Variants in STXBP5 observed in about 807,000 individuals in gnomAD.
The protein encoded by STXBP5 is syntaxin-binding protein 5.
STXBP5 carries 50 observed loss-of-function variants against 152.4 expected under a neutral mutation model. The observed-to-expected ratio is 0.33, with a 90% CI of 0.26 to 0.42. STXBP5 has a LOEUF of 0.42. STXBP5 is among the 10% of genes least tolerant of loss of function. STXBP5 has a pLI of 1.00. For synonymous variants in STXBP5, 492 were observed against 494.7 expected, an observed-to-expected ratio of 0.99 and a Z score of 0.07; for missense variants, 1,167 against 1,388.6, an observed-to-expected ratio of 0.84 and a Z score of 2.54.
At chr6:147,341,358 C>T (rs903033062) in intron 21 of STXBP5, among the ~76,000 whole-genome samples, 2 of 152,168 alleles carry the variant, frequency 1.3e-5, no homozygotes, top group African/African-American at 2.4e-5. Context: ...GTGCATGAAG[C>T]TGTGGTGTCA....
chr6:147,264,627 T>C (rs1242015526), intron 6 of STXBP5, among the ~76,000 whole-genome samples: 2 of 152,124 alleles, frequency 1.3e-5, no homozygotes, highest in African/African-American at 4.8e-5. Flanking sequence ...TACACACTAA[T>C]GCTTTTTCAA....
At chr6:147,243,972 C>T (rs1265197916) in intron 4 of STXBP5, among the ~76,000 whole-genome samples, 1 of 151,948 alleles carries the variant, frequency 6.6e-6, no homozygotes, top group Non-Finnish European at 1.5e-5. Flanking sequence ...ATCTATTTGT[C>T]TGTTATTTTT....
At chr6:147,383,291 T>A (rs1284046594) in intron 27 of STXBP5, among the ~76,000 whole-genome samples, 1 of 152,124 alleles carries the variant, frequency 6.6e-6, no homozygotes, top group African/African-American at 2.4e-5. Flanking sequence ...GCGATACCAA[T>A]GTTAATTTTT....
chr6:147,385,770 C>G lies in STXBP5; in HGVS notation c.*1015C>G, dbSNP rs1230237139. ...ATTATTTCAGTAAAATGCTCAGCTC[C>G]CTTTTCAAAATGCCCTTTATTTGCT... is the stretch of plus-strand genomic sequence containing the variant. On this transcript the variant is annotated 3_prime_UTR_variant, in exon 28 of 28. Transcript: ENST00000321680. The G allele has an allele frequency of 6.6e-6, 1 of 152,042 alleles. No homozygotes were observed. The highest frequency in any genetic ancestry group is 1.5e-5 in the Non-Finnish European group (1 of 67,976). 9.4% of individuals were successfully genotyped at this position (152,042 alleles called of 1,614,324 possible).
At chr6:147,325,334 A>G (rs1295176657) in intron 17 of STXBP5, among the ~76,000 whole-genome samples, 3 of 152,182 alleles carry the variant, frequency 2.0e-5, no homozygotes, top group Non-Finnish European at 4.4e-5. Context: ...TTTGTGATGA[A>G]GTTTTAAAGT....
intron 22 of STXBP5, among the ~76,000 whole-genome samples, chr6:147,353,612 T>C (rs1784687528): frequency 6.6e-6 from 1 of 152,174 alleles, no homozygotes; most frequent in African/African-American, 2.4e-5. Context: ...CTCTCATAGT[T>C]TGTCTGAACA....
chr6:147,209,342 A>G (rs1776733685), intron 2 of STXBP5, among the ~76,000 whole-genome samples: 2 of 152,134 alleles, frequency 1.3e-5, no homozygotes. Context: ...TTGTCTTTTA[A>G]TGCAGAGTAA....
chr6:147,236,701 C>T (rs945697149), intron 3 of STXBP5, among the ~76,000 whole-genome samples: 1 of 152,014 alleles, frequency 6.6e-6, no homozygotes, highest in Admixed American at 6.6e-5. Context: ...AAAGAAGTGC[C>T]TTCAGCACTA....
chr6:147,286,518 GTTATAGCTCAGTAGAGCTA>G (rs1780969409), intron 8 of STXBP5, among the ~76,000 whole-genome samples: 1 of 152,270 alleles, frequency 6.6e-6, no homozygotes, highest in South Asian at 2.1e-4. Context: ...TTGTTTAGCA[GTTATAGCTCAGTAGAGCTA>G]TTAAACTAGC....
chr6:147,315,369 T>C, intron 14 of STXBP5, 146 bp from the exon 15 acceptor site: 1 of 551,250 alleles, frequency 1.8e-6, no homozygotes, highest in South Asian at 3.0e-5. Flanking sequence ...TATCTAAATG[T>C]TTAATAGACT....
intron 9 of STXBP5, among the ~76,000 whole-genome samples, chr6:147,298,893 G>A (rs186860768): frequency 1.6e-3 from 246 of 151,936 alleles, no homozygotes; most frequent in South Asian, 4.3e-3. Context: ...ATCTCAAATA[G>A]ACAACCTAAC....
chr6:147,382,802 C>T lies in STXBP5; in HGVS notation c.3218C>T (p.Ala1073Val), dbSNP rs1786154464. Reference protein sequence around the residue: ...ELFGESSSGKASRSLAQHIPG... With the variant: ...ELFGESSSGKVSRSLAQHIPG... Reference sequence around the variant, plus strand: ...GTTGGAGAATCGTCCTCAGGAAAGGCTTCAAGGAGCCTTGCACAGCATATT... The same window carrying T: ...GTTGGAGAATCGTCCTCAGGAAAGGTTTCAAGGAGCCTTGCACAGCATATT... The change falls in exon 27 of 28, where the codon GCT (alanine) becomes GTT (valine). Residue 1073 changes from alanine to valine, a missense_variant. Ala to Val is a moderately conservative substitution (Grantham distance 64, BLOSUM62 0). Around this residue, in one of 3 missense-constraint regions of STXBP5, gnomAD observed 833 missense variants for 986.3 expected, o/e 0.84. Coordinates refer to ENST00000321680, the MANE Select transcript of STXBP5 (RefSeq NM_001127715.4). 1 of 1,613,230 alleles carries T rather than the reference C, an allele frequency of 6.2e-7. No homozygotes were observed. The highest frequency in any genetic ancestry group is 8.5e-7 in the Non-Finnish European group (1 of 1,179,536).
intron 8 of STXBP5, among the ~76,000 whole-genome samples, chr6:147,279,770 C>T (rs750497907): frequency 7.2e-5 from 11 of 152,140 alleles, no homozygotes; most frequent in Non-Finnish European, 1.3e-4. Flanking sequence ...CATCTCGACA[C>T]TCCTAAAAAT....
intron 7 of STXBP5, among the ~76,000 whole-genome samples, chr6:147,271,584 A>G (rs971036465): frequency 6.6e-6 from 1 of 151,944 alleles, no homozygotes; most frequent in Non-Finnish European, 1.5e-5. Flanking sequence ...AAGGAAAATT[A>G]AAGTATTTTG....
At chr6:147,309,767 A>C (rs1782272896) in intron 9 of STXBP5, among the ~76,000 whole-genome samples, 1 of 152,152 alleles carries the variant, frequency 6.6e-6, no homozygotes, top group African/African-American at 2.4e-5. Context: ...TGGAAGTCAA[A>C]GCAATACATT....
At position 147,260,713 on chromosome 6, in the gene STXBP5, C is replaced by G; in HGVS notation, c.530C>G (p.Ser177Ter). The G allele has an allele frequency of 6.2e-7, 1 of 1,613,600 alleles. No homozygotes were observed. Among genetic ancestry groups the G allele is most frequent in the Non-Finnish European group, 8.5e-7 (1 of 1,179,690 alleles). Reference sequence around the variant, plus strand: ...GTCAATGTGGAGTCCTTCACACTCTCAGGCTACGTCATTATGTGGAATAAA... The same window carrying G: ...GTCAATGTGGAGTCCTTCACACTCTGAGGCTACGTCATTATGTGGAATAAA... The part of the protein sequence containing the change: ...HIVNVESFTL[S>*]GYVIMWNKAI... The change falls in exon 5 of 28, where the codon TCA (serine) becomes TGA (stop). Residue 177 changes from serine (S) to a stop codon, truncating the protein, a stop_gained. Transcript: ENST00000321680. LOFTEE classifies it high-confidence loss of function.
chr6:147,354,664 T>C (rs186610019), intron 22 of STXBP5, among the ~76,000 whole-genome samples: 274 of 152,284 alleles, frequency 1.8e-3, no homozygotes, highest in African/African-American at 6.4e-3. Flanking sequence ...AATATACTTT[T>C]AAAATTATAA....
chr6:147,250,969 CAAAAAAA>C (rs887963991), intron 4 of STXBP5, among the ~76,000 whole-genome samples: 13 of 52,944 alleles, frequency 2.5e-4, no homozygotes, highest in African/African-American at 9.6e-4. Flanking sequence ...ACCTTGTCTC[CAAAAAAA>C]AAAAAAAAAA....
chr6:147,375,559 CTAACA>C (rs1384101840), intron 26 of STXBP5, among the ~76,000 whole-genome samples: 1 of 151,394 alleles, frequency 6.6e-6, no homozygotes, highest in East Asian at 1.9e-4. Flanking sequence ...GTGAGAAGAT[CTAACA>C]TAAGTTTAGA....
Sources: allele counts gnomAD v4.1 joint callset (sites outside exome capture counted in the v4.1 genomes callset), GRCh38; gene constraint gnomAD v4.1.1; regional missense constraint gnomAD v4.1.1; transcripts MANE v1.5; gene names NCBI Gene and HGNC (gene_info 2026-07-23, HGNC 2026-07-21).